Variants in SPG11 observed in about 807,000 individuals in gnomAD.
The protein encoded by SPG11 is SPG11 vesicle trafficking associated, spatacsin, also known as spatacsin.
A neutral mutation model predicts 274.0 loss-of-function variants in SPG11; 222 were observed. That is an observed-to-expected ratio of 0.81 (90% confidence interval 0.73 to 0.91). SPG11 has a LOEUF of 0.91. Ranked by LOEUF, SPG11 falls within the 40% of genes least tolerant of loss-of-function variation. The pLI is 0.00. For missense variants in SPG11, 3,114 were observed against 2,872.7 expected, an observed-to-expected ratio of 1.08 and a Z score of -1.92; for synonymous variants, 1,144 against 1,039.7, an observed-to-expected ratio of 1.10 and a Z score of -1.93.
At chr15:44,564,185 G>T (rs1280272728) in intron 39 of SPG11, among the ~76,000 whole-genome samples, 1 of 152,048 alleles carries the variant, frequency 6.6e-6, no homozygotes, top group Non-Finnish European at 1.5e-5. Context: ...TAGAGACAGG[G>T]TTTCACCATG....
intron 7 of SPG11, among the ~76,000 whole-genome samples, chr15:44,633,844 CT>C (rs913459605): frequency 3.8e-4 from 55 of 146,086 alleles, no homozygotes; most frequent in Admixed American, 1.0e-3. Context: ...CTTTTCCTTT[CT>C]TTTTTTTTTT....
chr15:44,595,811 G>T (rs922614536), intron 25 of SPG11, among the ~76,000 whole-genome samples: 2 of 152,162 alleles, frequency 1.3e-5, no homozygotes, highest in African/African-American at 4.8e-5. Flanking sequence ...AAACAGTGGT[G>T]GTCAGTCCAC....
At chr15:44,657,984 G>C (rs1319915131) in intron 3 of SPG11, among the ~76,000 whole-genome samples, 1 of 152,188 alleles carries the variant, frequency 6.6e-6, no homozygotes, top group Non-Finnish European at 1.5e-5. Context: ...CCGAGATCAC[G>C]CCACTGCACT....
intron 20 of SPG11, among the ~76,000 whole-genome samples, chr15:44,605,055 T>C (rs528240425): frequency 6.6e-5 from 10 of 152,014 alleles, no homozygotes; most frequent in African/African-American, 2.2e-4. Flanking sequence ...TGCTTTCAAC[T>C]TCTCTGTGCC....
At chr15:44,567,303 A>T in intron 36 of SPG11, 121 bp downstream of exon 36, 6 of 1,061,102 alleles carry the variant, frequency 5.7e-6, no homozygotes, top group Non-Finnish European at 8.2e-6. Context: ...GGGAGCTGAG[A>T]TCGTGCCACT....
At chr15:44,635,574 C>A (rs750528412) in intron 7 of SPG11, among the ~76,000 whole-genome samples, 2 of 132,756 alleles carry the variant, frequency 1.5e-5, no homozygotes, top group Non-Finnish European at 3.1e-5. Context: ...TCACTGTACT[C>A]CAGCCTATGC....
At chr15:44,591,354 A>G (rs977766520) in intron 27 of SPG11, among the ~76,000 whole-genome samples, 4 of 152,222 alleles carry the variant, frequency 2.6e-5, no homozygotes, top group East Asian at 1.9e-4. Context: ...TTTTTAAAAA[A>G]TATTTCTCTT....
At position 44,610,999 on chromosome 15, in the gene SPG11, G is replaced by C; in HGVS notation, c.3146-14C>G. On this transcript the variant is annotated splice_polypyrimidine_tract_variant and intron_variant, in intron 17 of 39. Coordinates refer to ENST00000261866, the MANE Select transcript of SPG11 (RefSeq NM_025137.4). ...TCAGTTTGGGATCTGGAAAATAAAA[G>C]ACAGTGTTTTTCTCCTTAAGAGGGA... 1 of 1,517,560 alleles carries C rather than the reference G, an allele frequency of 6.6e-7. No individual in the cohort carries two copies. The highest frequency in any genetic ancestry group is 8.9e-7 in the Non-Finnish European group (1 of 1,123,610). The allele number at this position is 1,517,560 out of a possible 1,614,324, so 94.0% of individuals were successfully genotyped here.
At position 44,573,623 on chromosome 15, in the gene SPG11, GC is replaced by G; in HGVS notation, c.6128del (p.Gly2043AlafsTer15). The G allele has an allele frequency of 6.2e-7, 1 of 1,614,142 alleles. No homozygotes were observed. Among genetic ancestry groups the G allele is most frequent in the Middle Eastern group, 1.6e-4 (1 of 6,062 alleles). ...KRAQAFISTQ[G>X]LKPDTVAELV... ...GTTCAGCCACAGTATCTGGCTTAAG[GC>G]CCTGTGTGCTGATGAAGGCCTGGGC... On this transcript the variant is annotated frameshift_variant, in exon 32 of 40. Transcript: ENST00000261866. LOFTEE classifies it high-confidence loss of function.
At chr15:44,585,992 T>C (rs986002084) in intron 28 of SPG11, 142 bp from the exon 29 acceptor site, 1 of 686,278 alleles carries the variant, frequency 1.5e-6, no homozygotes, top group Admixed American at 3.0e-5. Flanking sequence ...TGTTTTTTTT[T>C]TTTTTTTTTT....
intron 4 of SPG11, among the ~76,000 whole-genome samples, chr15:44,654,685 C>T (rs1047047368): frequency 6.6e-6 from 1 of 151,656 alleles, no homozygotes; most frequent in Non-Finnish European, 1.5e-5. Flanking sequence ...ACTAAAAATA[C>T]AAAAAATTAG....
Position 44,657,177 on chromosome 15 carries a change from T to G in SPG11, c.787A>C (p.Lys263Gln). Residue 263 changes from lysine to glutamine, a missense_variant, in exon 4 of 40, where the codon AAA becomes CAA. Lys to Gln is a moderately conservative substitution (Grantham distance 53). Coordinates refer to ENST00000261866, the MANE Select transcript of SPG11 (RefSeq NM_025137.4). ...GCAACATCGAGGTCTTGAGAAACTT[T>G]CAGTGAAGTAAATGAAGAAATCTTG... ...PAKISSFTSL[K>Q]VSQDLDVAVI... 1 of 1,614,194 alleles carries G rather than the reference T, an allele frequency of 6.2e-7. No homozygotes were observed. Among genetic ancestry groups the G allele is most frequent in the South Asian group, 1.1e-5 (1 of 91,088 alleles).
chr15:44,635,967 T>C (rs1037306071), intron 7 of SPG11, among the ~76,000 whole-genome samples: 8 of 151,546 alleles, frequency 5.3e-5, no homozygotes, highest in Admixed American at 4.6e-4. Flanking sequence ...TAAAGCAGTG[T>C]GCATAAGAAT....
Position 44,613,507 on chromosome 15 carries a change from T to A in SPG11, c.3068A>T (p.Glu1023Val). The change falls in exon 17 of 40, where the codon GAA (glutamate) becomes GTA (valine). Residue 1023 changes from glutamate to valine, a missense_variant. By Grantham distance (121) the Glu-to-Val change is moderately radical (BLOSUM62 -2). Coordinates refer to ENST00000261866, the MANE Select transcript of SPG11 (RefSeq NM_025137.4). ...KLSPENCPFL[E>V]KKELHEAHPW... ...GTGTGCTTCATGTAACTCTTTTTTT[T>A]CCAAAAAGGGACAATTTTCAGGACT... 6.2e-7 allele frequency: 1 copy of A among 1,613,702 alleles called. No homozygotes were observed. Among genetic ancestry groups the A allele is most frequent in the Non-Finnish European group, 8.5e-7 (1 of 1,179,722 alleles).
chr15:44,599,403 G>A (rs184423734), intron 21 of SPG11, among the ~76,000 whole-genome samples: 8 of 152,180 alleles, frequency 5.3e-5, no homozygotes, highest in Admixed American at 4.6e-4. Flanking sequence ...GGGTTCAAGC[G>A]ATTCTCCTGC....
intron 8 of SPG11, among the ~76,000 whole-genome samples, chr15:44,632,002 T>C (rs531620062): frequency 6.6e-6 from 1 of 151,696 alleles, no homozygotes; most frequent in South Asian, 2.1e-4. Context: ...AGAGGTAAGG[T>C]TTCACTATGT....
intron 7 of SPG11, among the ~76,000 whole-genome samples, chr15:44,636,442 C>A (rs1039840185): frequency 1.3e-5 from 2 of 150,600 alleles, no homozygotes; most frequent in South Asian, 2.1e-4. Context: ...AAAAAAGGTA[C>A]AATTAAAACA....
intron 21 of SPG11, among the ~76,000 whole-genome samples, chr15:44,599,587 C>T (rs749165170): frequency 1.1e-4 from 16 of 152,172 alleles, no homozygotes; most frequent in Non-Finnish European, 1.6e-4. Context: ...TGTGAGCCAT[C>T]GTGCTCAGCC....
intron 30 of SPG11, chr15:44,575,414 C>A: frequency 5.0e-6 from 1 of 201,532 alleles, no homozygotes; most frequent in African/African-American, 2.3e-5. Context: ...TTAGTTCCAG[C>A]CTTCATCACT....
Sources: gnomAD v4.1 joint callset for allele counts (sites outside exome capture counted in the v4.1 genomes callset) on GRCh38, gnomAD v4.1.1 for gene constraint, MANE v1.5 for transcripts, NCBI Gene and HGNC (gene_info 2026-07-23, HGNC 2026-07-21) for gene names.